RLF: variants seen among roughly 807,000 people sequenced by gnomAD.
The protein encoded by RLF is zinc finger protein Rlf.
Under a neutral mutation model 162.9 loss-of-function variants are expected in RLF, and 7 were observed. The observed-to-expected ratio is 0.04, with a 90% confidence interval of 0.02 to 0.08. RLF has a LOEUF of 0.08. RLF is among the 10% of genes least tolerant of loss of function. The probability of loss-of-function intolerance (pLI) is 1.00; values close to 1 mark genes in which losing one functional copy is unlikely to be tolerated. For synonymous variants in RLF, 782 were observed against 791.5 expected (o/e 0.99, Z 0.20); for missense variants, 1,664 against 2,244.7 (o/e 0.74, Z 5.23).
In RLF at chr1:40,202,542, T is replaced by A; in HGVS notation, c.738T>A (p.Asn246Lys). 1 of 1,569,402 alleles carries A rather than the reference T, an allele frequency of 6.4e-7. No homozygotes were observed. Among genetic ancestry groups the A allele is most frequent in the Non-Finnish European group, 8.6e-7 (1 of 1,167,310 alleles). The change falls in exon 5 of 8, where the codon AAT (asparagine) becomes AAA (lysine). Residue 246 changes from asparagine (N) to lysine (K), a missense_variant. Physicochemically the swap from Asn to Lys is moderately conservative, Grantham distance 94. Transcript: ENST00000372771. ...GTGCAGAATCTAAAGAAATTTCAAA[T>A]GTGTCATCTTTTCAGCAAGCCTATA... ...KLCAESKEIS[N>K]VSSFQQAYIT... is the part of the protein sequence containing the mutation.
intron 1 of RLF, among the ~76,000 whole-genome samples, chr1:40,172,465 C>T (rs1324201437): frequency 1.3e-5 from 2 of 152,198 alleles, no homozygotes; most frequent in Non-Finnish European, 2.9e-5. Context: ...TTATTTCTAT[C>T]TATAATATAA....
intron 5 of RLF, among the ~76,000 whole-genome samples, chr1:40,217,326 G>A (rs1642937171): frequency 6.6e-6 from 1 of 152,046 alleles, no homozygotes; most frequent in African/African-American, 2.4e-5. Context: ...AATAAACTGG[G>A]CATGATGGTG....
intron 5 of RLF, among the ~76,000 whole-genome samples, chr1:40,213,669 A>T (rs553595515): frequency 2.0e-5 from 3 of 152,220 alleles, no homozygotes; most frequent in East Asian, 1.9e-4. Context: ...AAGTATTATT[A>T]TATGAATAAG....
At chr1:40,164,331 C>A (rs1642137193) in intron 1 of RLF, among the ~76,000 whole-genome samples, 2 of 152,118 alleles carry the variant, frequency 1.3e-5, no homozygotes, top group Non-Finnish European at 2.9e-5. Flanking sequence ...ATGGCTCTAT[C>A]TTTGGGATTG....
intron 5 of RLF, among the ~76,000 whole-genome samples, chr1:40,211,370 T>C (rs1165114811): frequency 6.6e-6 from 1 of 152,236 alleles, no homozygotes; most frequent in Admixed American, 6.5e-5. Context: ...TTGGTCAGCC[T>C]TCTTTCCACT....
chr1:40,201,040 CA>C (rs1418295242), intron 4 of RLF, among the ~76,000 whole-genome samples: 3 of 58,770 alleles, frequency 5.1e-5, no homozygotes, highest in African/African-American at 2.2e-4. Context: ...CAAACACACA[CA>C]CCCCCCCCAC....
At chr1:40,188,473 C>T (rs904524136) in intron 1 of RLF, among the ~76,000 whole-genome samples, 5 of 152,036 alleles carry the variant, frequency 3.3e-5, no homozygotes, top group African/African-American at 1.2e-4. Flanking sequence ...TGGTAATTTT[C>T]TTCATAAACT....
intron 1 of RLF, among the ~76,000 whole-genome samples, chr1:40,182,760 GATA>G (rs1557741336): frequency 3.4e-5 from 5 of 148,156 alleles, no homozygotes; most frequent in Non-Finnish European, 7.5e-5. Flanking sequence ...TAGGTAGATA[GATA>G]GATAGATAGA....
At chr1:40,216,908 G>A (rs528623339) in intron 5 of RLF, among the ~76,000 whole-genome samples, 61 of 151,882 alleles carry the variant, frequency 4.0e-4, no homozygotes, top group African/African-American at 1.2e-3. Context: ...AAAAATTAGC[G>A]AGGTGTGGTG....
In RLF at chr1:40,239,236, A is replaced by C. The variant is rs1643258672; in HGVS notation, c.4534A>C (p.Asn1512His). The change falls in exon 8 of 8, where the codon AAT becomes CAT. Residue 1512 changes from asparagine to histidine, a missense_variant. Asn to His is a moderately conservative substitution (Grantham distance 68, BLOSUM62 1). Around this residue, in one of 15 missense-constraint regions of RLF, gnomAD observed 200 missense variants for 207.3 expected, o/e 0.96. Transcript: ENST00000372771. ...ACATCAGACCACCAGGAGATCATTT[A>C]ATGCTAAGTCTAAAAAATGTGGCTT... ...HEHQTTRRSFNAKSKKCGLIK... is the reference protein window; with the variant it reads ...HEHQTTRRSFHAKSKKCGLIK... 7 of 1,614,188 alleles carry C rather than the reference A, an allele frequency of 4.3e-6. No individual in the cohort carries two copies. The highest frequency in any genetic ancestry group is 5.9e-6 in the Non-Finnish European group (7 of 1,180,034).
intron 4 of RLF, among the ~76,000 whole-genome samples, chr1:40,200,819 G>T (rs1178984270): frequency 1.5e-5 from 2 of 131,870 alleles, no homozygotes; most frequent in South Asian, 5.3e-4. Flanking sequence ...CTCATATGTA[G>T]TTAAAATTGG....
Position 40,236,784 on chromosome 1 carries a change from T to C in RLF, c.2082T>C (p.Ala694=). Residue 694 remains alanine (A), a synonymous_variant, in exon 8 of 8, where the codon GCT becomes GCC. Coordinates refer to ENST00000372771, the MANE Select transcript of RLF (RefSeq NM_012421.4). This position sits in a 1 kb window ranked among gnomAD's most constrained non-coding sequence, Gnocchi z 7.7. The stretch of plus-strand genomic sequence containing the variant: ...AATACTTAAGTGTGCATCTTAAAGC[T>C]GAACACCAAAATAATGATGAAAATG... ...QFKYLSVHLK[A]EHQNNDENAK... The C allele has an allele frequency of 6.2e-7, 1 of 1,614,132 alleles. No individual in the cohort carries two copies. The highest frequency in any genetic ancestry group is 8.5e-7 in the Non-Finnish European group (1 of 1,180,024).
In RLF at chr1:40,214,685, C is replaced by T. The variant is rs757931411; in HGVS notation, c.811-7889C>T. Among the ~76,000 whole-genome samples the T allele has an allele frequency of 7.9e-5, 12 of 151,516 alleles. No individual in the cohort carries two copies. The South Asian group carries it at 1.9e-3, about 24-fold the overall frequency. On this transcript the variant is annotated intron_variant, in intron 5 of 7. Coordinates refer to ENST00000372771, the MANE Select transcript of RLF (RefSeq NM_012421.4). Reference sequence around the variant, plus strand: ...CTGTAATCCCAGCACTTTGGGAGGCCGAGGTGGGAGGAGCTCTTGAGACCA... The same window carrying T: ...CTGTAATCCCAGCACTTTGGGAGGCTGAGGTGGGAGGAGCTCTTGAGACCA...
chr1:40,188,567 ATTAG>A (rs1387322008), intron 1 of RLF, among the ~76,000 whole-genome samples: 2 of 152,128 alleles, frequency 1.3e-5, no homozygotes, highest in Non-Finnish European at 1.5e-5. Context: ...CCTTTTAGAA[ATTAG>A]TTAGCATAAA....
At chr1:40,195,066 C>T (rs1185925276) in intron 3 of RLF, among the ~76,000 whole-genome samples, 1 of 151,512 alleles carries the variant, frequency 6.6e-6, no homozygotes, top group Non-Finnish European at 1.5e-5. Flanking sequence ...AACTCCTGAC[C>T]TCAGATGGTC....
intron 1 of RLF, among the ~76,000 whole-genome samples, chr1:40,181,258 C>T (rs1276267696): frequency 6.6e-6 from 1 of 152,026 alleles, no homozygotes; most frequent in Non-Finnish European, 1.5e-5. Flanking sequence ...GGCGAAACCC[C>T]ATCTCTACTA....
intron 7 of RLF, among the ~76,000 whole-genome samples, chr1:40,234,445 G>A (rs76861415): frequency 0.032 from 4,838 of 152,280 alleles, 113 homozygotes; most frequent in Admixed American, 0.046. Flanking sequence ...CCAGCATTTA[G>A]AATGAATGAT....
At position 40,171,691 on chromosome 1, in the gene RLF, C is replaced by A. The variant is rs61780417; in HGVS notation, c.237+10055C>A. Among the ~76,000 whole-genome samples the A allele has an allele frequency of 3.6e-3, 553 of 152,170 alleles. 12 individuals carry two copies. The highest frequency in any genetic ancestry group is 0.031 in the East Asian group (163 of 5,178). ...ATAGTGAAAGTACCATATAAACTCA[C>A]TTTTAATAGCTTGGTGTATTTATCA... On this transcript the variant is annotated intron_variant, in intron 1 of 7. Coordinates refer to ENST00000372771, the MANE Select transcript of RLF (RefSeq NM_012421.4).
At chr1:40,212,140 C>T (rs1056218164) in intron 5 of RLF, among the ~76,000 whole-genome samples, 2 of 152,216 alleles carry the variant, frequency 1.3e-5, no homozygotes, top group Non-Finnish European at 2.9e-5. Context: ...ACTTGAGCAA[C>T]AGCTGGGAAT....
Sources: gnomAD v4.1 joint callset for allele counts (sites outside exome capture counted in the v4.1 genomes callset) on GRCh38, gnomAD v4.1.1 for gene constraint, gnomAD v4.1.1 regional missense constraint, Gnocchi (gnomAD v3.1) non-coding constraint, MANE v1.5 for transcripts, NCBI Gene and HGNC (gene_info 2026-07-23, HGNC 2026-07-21) for gene names.